The following CCDC18 variants were observed in gnomAD, a reference collection of about 807,000 sequenced individuals.
CCDC18 encodes coiled-coil domain-containing protein 18.
A neutral mutation model predicts 196.0 loss-of-function variants in CCDC18; 157 were observed. The ratio of observed to expected loss-of-function variants is 0.80; its 90% CI spans 0.70 to 0.91. CCDC18 has a LOEUF of 0.91. Among genes scored for constraint, CCDC18 ranks in the 40% least tolerant of loss-of-function variants. The pLI is 0.00. For synonymous variants in CCDC18, 482 were observed against 529.2 expected, an observed-to-expected ratio of 0.91 and a Z score of 1.22; for missense variants, 1,465 against 1,611.6, an observed-to-expected ratio of 0.91 and a Z score of 1.56.
At chr1:93,273,578 A>C (rs1665474270) in intron 28 of CCDC18, 1 of 152,232 alleles carries the variant, frequency 6.6e-6, no homozygotes, top group Admixed American at 6.5e-5. Flanking sequence ...GACATCTGGC[A>C]TCATTTGTTT....
chr1:93,180,213 G>A (rs376905115), upstream of CCDC18: 5 of 1,612,486 alleles, frequency 3.1e-6, no homozygotes, highest in African/African-American at 1.3e-5. Flanking sequence ...GAAGGAGCAC[G>A]GGGAAGGGCA....
At position 93,236,390 on chromosome 1, in the gene CCDC18, G is replaced by C. The variant is rs1421359727; in HGVS notation, c.2603G>C (p.Arg868Thr). ...GTGATTGAGCTTACTGGCACTGCCAGGTAAAATGTGAATATGTTTTATTTA... is the reference window on the plus strand; with the variant it reads ...GTGATTGAGCTTACTGGCACTGCCACGTAAAATGTGAATATGTTTTATTTA... ...QKVIELTGTARQVKIEMDQYK... is the reference protein window; with the variant it reads ...QKVIELTGTATQVKIEMDQYK... The change falls in exon 19 of 29, where the codon AGG (arginine) becomes ACG (threonine). Residue 868 changes from arginine (R) to threonine (T), a missense_variant and splice_region_variant. Physicochemically the swap from Arg to Thr is moderately conservative, Grantham distance 71. Transcript: ENST00000690025. 1 of 1,585,876 alleles carries C rather than the reference G, an allele frequency of 6.3e-7. No homozygotes were observed. The highest frequency in any genetic ancestry group is 8.5e-7 in the Non-Finnish European group (1 of 1,171,074).
intron 1 of CCDC18, among the ~76,000 whole-genome samples, chr1:93,183,004 GTTTGTGTGAC>G (rs1649989441): frequency 6.6e-6 from 1 of 152,110 alleles, no homozygotes; most frequent in Non-Finnish European, 1.5e-5. Context: ...ACCATTTACA[GTTTGTGTGAC>G]TTTGAGCAAG....
At chr1:93,193,816 G>T in intron 6 of CCDC18, 72 bp downstream of exon 6, 1 of 1,220,166 alleles carries the variant, frequency 8.2e-7, no homozygotes, top group Non-Finnish European at 1.1e-6. Flanking sequence ...TAAAATTCTA[G>T]TTAATTTTTG....
chr1:93,244,032 A>T (rs747182317), intron 21 of CCDC18, among the ~76,000 whole-genome samples: 5 of 152,164 alleles, frequency 3.3e-5, no homozygotes, highest in Non-Finnish European at 7.3e-5. Context: ...TGTATTAGTG[A>T]GTTTTCACGC....
In CCDC18 at chr1:93,216,765, C is replaced by T. The variant is rs1255724395; in HGVS notation, c.1830+19C>T. 1 of 1,318,520 alleles carries T rather than the reference C, an allele frequency of 7.6e-7. No individual in the cohort carries two copies. The highest frequency in any genetic ancestry group is 1.1e-6 in the Non-Finnish European group (1 of 938,200). 81.7% of individuals were successfully genotyped at this position (1,318,520 alleles called of 1,614,324 possible). A position where few individuals can be genotyped will look rare whatever the true frequency, so the allele number is the denominator to read the frequency against. On this transcript the variant is annotated intron_variant, in intron 13 of 28. Coordinates refer to ENST00000690025, the MANE Select transcript of CCDC18 (RefSeq NM_001378204.1). ...GCTTATGGTAAAACTTATCTTTGTT[C>T]CTACAAATTTACTGTGATTTTTAGG...
At chr1:93,227,971 AATATATAT>A (rs1553175509) in intron 17 of CCDC18, among the ~76,000 whole-genome samples, 4 of 125,356 alleles carry the variant, frequency 3.2e-5, no homozygotes, top group Admixed American at 8.7e-5. Flanking sequence ...AAAAAAAAAA[AATATATAT>A]ATATATATAT....
At chr1:93,265,494 CA>C (rs1200500275) in intron 27 of CCDC18, among the ~76,000 whole-genome samples, 1 of 152,140 alleles carries the variant, frequency 6.6e-6, no homozygotes, top group Non-Finnish European at 1.5e-5. Context: ...TGAGATACCA[CA>C]TATCAATTAT....
intron 26 of CCDC18, among the ~76,000 whole-genome samples, chr1:93,260,323 G>T (rs1317136447): frequency 1.3e-5 from 2 of 152,342 alleles, no homozygotes; most frequent in South Asian, 4.1e-4. Flanking sequence ...GGCAGAGGTT[G>T]CAGTAAGCCA....
rs1352754046 is a variant in CCDC18 at position 93,214,839 on chromosome 1, AG to A, written c.1593del (p.Lys531AsnfsTer2). 6.2e-7 allele frequency: 1 copy of A among 1,613,432 alleles called. No individual in the cohort carries two copies. The highest frequency in any genetic ancestry group is 2.2e-5 in the East Asian group (1 of 44,810). On this transcript the variant is annotated frameshift_variant, in exon 12 of 29. Transcript: ENST00000690025. LOFTEE classifies it high-confidence loss of function. ...LVTGIEELRT[K>X]LIQIEAENSD... ...ACTGGAATAGAAGAACTACGTACTA[AG>A]CTGATACAAATAGAAGCTGAAAATT...
chr1:93,270,787 T>C lies in CCDC18; in HGVS notation c.4326T>C (p.Ser1442=), dbSNP rs753415155. Residue 1442 remains serine (S), a synonymous_variant, in exon 28 of 29, where the codon TCT becomes TCC. Transcript: ENST00000690025. ...AAGTAAGACTATTAAAAAAGTCTTCTATGCAAACAGGTGCTGGTTTAAATC... is the reference window on the plus strand; with the variant it reads ...AAGTAAGACTATTAAAAAAGTCTTCCATGCAAACAGGTGCTGGTTTAAATC... ...NKEVRLLKKS[S]MQTGAGLNQG... is the part of the protein sequence containing the mutation. 2.9e-5 allele frequency: 44 copies of C among 1,541,526 alleles called. No homozygotes were observed. Among genetic ancestry groups the C allele is most frequent in the South Asian group, 3.6e-5 (3 of 83,000 alleles).
chr1:93,202,400 T>G (rs1653981489), intron 7 of CCDC18, among the ~76,000 whole-genome samples: 1 of 152,228 alleles, frequency 6.6e-6, no homozygotes, highest in Non-Finnish European at 1.5e-5. Context: ...GAAGGTTCCT[T>G]GAACTGATTT....
intron 19 of CCDC18, among the ~76,000 whole-genome samples, chr1:93,238,152 C>T (rs914439346): frequency 7.4e-4 from 112 of 152,306 alleles, no homozygotes; most frequent in African/African-American, 2.6e-3. Flanking sequence ...GCCATCTGCT[C>T]ATGGCTCTAT....
intron 28 of CCDC18, chr1:93,271,152 T>C (rs904084421): frequency 6.1e-6 from 6 of 985,146 alleles, no homozygotes; most frequent in Middle Eastern, 5.2e-4. Context: ...CCAGAGAAAG[T>C]AGGTTCTGAG....
chr1:93,223,789 T>C (rs1458097644), intron 16 of CCDC18, among the ~76,000 whole-genome samples: 1 of 152,174 alleles, frequency 6.6e-6, no homozygotes, highest in Non-Finnish European at 1.5e-5. Flanking sequence ...CCTTCTTTTT[T>C]TGAAGATGCA....
intron 24 of CCDC18, among the ~76,000 whole-genome samples, chr1:93,255,156 T>C (rs953124912): frequency 3.3e-5 from 5 of 151,988 alleles, no homozygotes; most frequent in African/African-American, 1.2e-4. Context: ...TTTCACCATA[T>C]TGGCCAGGCT....
intron 18 of CCDC18, among the ~76,000 whole-genome samples, chr1:93,233,640 C>A (rs910324925): frequency 6.6e-6 from 1 of 151,956 alleles, no homozygotes; most frequent in Non-Finnish European, 1.5e-5. Context: ...CTCTTGTCAC[C>A]CAGGCTGGAG....
rs1469696461 is a variant in CCDC18, at chr1:93,192,062, T to G, written c.525T>G (p.Ile175Met). ...GTGTCCCAATCTTAGAAGAACAGAT[T>G]ATAAATTTGGAAGCAGAGGTTTCAG... Reference protein sequence around the residue: ...AASVPILEEQIINLEAEVSAQ... With the variant: ...AASVPILEEQMINLEAEVSAQ... The change falls in exon 5 of 29, where the codon ATT (isoleucine) becomes ATG (methionine). Residue 175 changes from isoleucine to methionine, a missense_variant. Physicochemically the swap from Ile to Met is conservative, Grantham distance 10 (BLOSUM62 1). Transcript: ENST00000690025. 6.2e-7 allele frequency: 1 copy of G among 1,613,904 alleles called. No individual in the cohort carries two copies. Among genetic ancestry groups the G allele is most frequent in the South Asian group, 1.1e-5 (1 of 91,066 alleles).
intron 22 of CCDC18, 39 bp from the exon 23 acceptor site, chr1:93,246,799 C>A (rs866719883): frequency 4.4e-6 from 4 of 907,380 alleles, no homozygotes; most frequent in Non-Finnish European, 7.2e-6. Context: ...GTTTTTATAT[C>A]AGAATAAAAT....
Sources: gnomAD v4.1 joint callset for allele counts (sites outside exome capture counted in the v4.1 genomes callset) on GRCh38, gnomAD v4.1.1 for gene constraint, MANE v1.5 for transcripts, NCBI Gene and HGNC (gene_info 2026-07-23, HGNC 2026-07-21) for gene names.